LEF1: variants seen among roughly 807,000 people sequenced by gnomAD.
LEF1 encodes the protein lymphoid enhancer-binding factor 1.
LEF1 carries 14 observed loss-of-function variants against 51.2 expected under a neutral mutation model. The observed-to-expected ratio is 0.27, with a 90% CI of 0.18 to 0.43. The LOEUF is 0.43. Among genes scored for constraint, LEF1 ranks in the 20% least tolerant of loss-of-function variants. The pLI, the probability that LEF1 is intolerant of heterozygous loss-of-function variation, is 1.00. For missense variants in LEF1, 386 were observed against 512.0 expected, an observed-to-expected ratio of 0.75 and a Z score of 2.37; for synonymous variants, 185 against 183.2, an observed-to-expected ratio of 1.01 and a Z score of -0.08.
chr4:108,081,017 T>C (rs3796997), intron 6 of LEF1, among the ~76,000 whole-genome samples: 133,894 of 151,824 alleles, frequency 0.88, 59,421 homozygotes, highest in East Asian at 0.97. Flanking sequence ...TCCGCTGGCA[T>C]GACCATGTCC....
intron 3 of LEF1, among the ~76,000 whole-genome samples, chr4:108,126,980 A>G (rs1277169096): frequency 1.3e-5 from 2 of 152,074 alleles, no homozygotes; most frequent in Non-Finnish European, 2.9e-5. Context: ...TGAGATGTAA[A>G]TGAACAACGT....
At chr4:108,134,091 T>A (rs548632839) in intron 3 of LEF1, among the ~76,000 whole-genome samples, 49 of 151,846 alleles carry the variant, frequency 3.2e-4, no homozygotes, top group African/African-American at 1.1e-3. Flanking sequence ...ATATAAATAT[T>A]CACAATTAGT....
At chr4:108,165,278 C>CT in intron 1 of LEF1, 115 bp from the exon 2 acceptor site, 1 of 875,138 alleles carries the variant, frequency 1.1e-6, no homozygotes, top group South Asian at 1.4e-5. Context: ...AGGGGCAACT[C>CT]TGTTTTATAC....
chr4:108,166,485 C>T, intron 1 of LEF1: 3 of 1,376,130 alleles, frequency 2.2e-6, no homozygotes, highest in Non-Finnish European at 2.8e-6. Context: ...GGATTTCCTC[C>T]AGAGGGTTTC....
chr4:108,120,651 T>C (rs1322609178), intron 3 of LEF1, among the ~76,000 whole-genome samples: 2 of 152,312 alleles, frequency 1.3e-5, no homozygotes, highest in African/African-American at 4.8e-5. Flanking sequence ...GAATCTCTCA[T>C]CCACATGTGA....
chr4:108,137,800 C>T (rs1057442876), intron 3 of LEF1, among the ~76,000 whole-genome samples: 1 of 152,146 alleles, frequency 6.6e-6, no homozygotes, highest in Admixed American at 6.5e-5. Flanking sequence ...CACTCATAGA[C>T]TCTGTAATAA....
At chr4:108,131,182 C>T (rs1166651971) in intron 3 of LEF1, among the ~76,000 whole-genome samples, 1 of 151,982 alleles carries the variant, frequency 6.6e-6, no homozygotes, top group African/African-American at 2.4e-5. Context: ...TGCCTGTAAT[C>T]CCAGTGCTCT....
intron 3 of LEF1, among the ~76,000 whole-genome samples, chr4:108,130,378 C>G (rs533442098): frequency 6.6e-6 from 1 of 152,068 alleles, no homozygotes; most frequent in South Asian, 2.1e-4. Flanking sequence ...TCCTATGATG[C>G]TGCACTATCA....
chr4:108,070,829 T>C, intron 8 of LEF1, 59 bp from the exon 9 acceptor site: 1 of 1,112,834 alleles, frequency 9.0e-7, no homozygotes, highest in Non-Finnish European at 1.3e-6. Context: ...ATAGCATATT[T>C]TATGTTTCAA....
rs1193240414 is a variant in LEF1 at position 108,099,566 on chromosome 4, G to GTATATATATA, written c.415-10310_415-10309insTATATATATA. Among the ~76,000 whole-genome samples, 29 of 72,876 alleles carry GTATATATATA rather than the reference G, an allele frequency of 4.0e-4. 2 individuals are homozygous for GTATATATATA. Among genetic ancestry groups the GTATATATATA allele is most frequent in the African/African-American group, 1.2e-3 (21 of 16,996 alleles). 47.8% of individuals were successfully genotyped at this position (72,876 alleles called of 152,430 possible). On this transcript the variant is annotated intron_variant, in intron 3 of 11. Transcript: ENST00000265165. ...TATGTGTGTGTGTGTATGTGTGTGTGTGTGTATATATATATATATATATAT... is the reference window on the plus strand; with the variant it reads ...TATGTGTGTGTGTGTATGTGTGTGTGTATATATATATGTGTATATATATATATATATATAT...
At position 108,123,432 on chromosome 4, in the gene LEF1, G is replaced by GTTTTT. The variant is rs34015287; in HGVS notation, c.415-34180_415-34176dup. 1.1e-4 allele frequency among the ~76,000 whole-genome samples: 8 copies of GTTTTT among 72,380 alleles called. 1 individual carries two copies. Among genetic ancestry groups the GTTTTT allele is most frequent in the African/African-American group, 5.2e-4 (8 of 15,470 alleles). 47.5% of individuals were successfully genotyped at this position (72,380 alleles called of 152,430 possible). On this transcript the variant is annotated intron_variant, in intron 3 of 11. Coordinates refer to ENST00000265165, the MANE Select transcript of LEF1 (RefSeq NM_016269.5). ...GGACCCCAGCTTTCTGCTAGGGTTG[G>GTTTTT]TTTTTTTTTTTTTTTTTTTTTTTTT...
chr4:108,070,941 G>T, intron 8 of LEF1, 171 bp from the exon 9 acceptor site: 1 of 556,170 alleles, frequency 1.8e-6, no homozygotes. Context: ...GAGTCTAGTG[G>T]CTACAGTGAA....
intron 4 of LEF1, among the ~76,000 whole-genome samples, chr4:108,087,641 T>C (rs183727119): frequency 2.6e-5 from 4 of 152,312 alleles, no homozygotes; most frequent in Admixed American, 2.0e-4. Flanking sequence ...AGTTAATGTT[T>C]CGAAGAGTTT....
intron 3 of LEF1, among the ~76,000 whole-genome samples, chr4:108,110,120 G>A (rs1052509609): frequency 6.6e-6 from 1 of 152,200 alleles, no homozygotes; most frequent in South Asian, 2.1e-4. Context: ...AGATGCAGAA[G>A]AATGGCAGGT....
At chr4:108,091,209 T>C (rs1221528827) in intron 3 of LEF1, among the ~76,000 whole-genome samples, 1 of 152,126 alleles carries the variant, frequency 6.6e-6, no homozygotes, top group African/African-American at 2.4e-5. Context: ...AAAATGTAAG[T>C]CCATATCTGA....
intron 3 of LEF1, among the ~76,000 whole-genome samples, chr4:108,158,511 T>C (rs1300076571): frequency 6.6e-6 from 1 of 152,194 alleles, no homozygotes; most frequent in South Asian, 2.1e-4. Context: ...ATAAAACATA[T>C]ATGTTTTTCT....
intron 4 of LEF1, among the ~76,000 whole-genome samples, chr4:108,083,677 C>G (rs530439013): frequency 6.6e-6 from 1 of 152,300 alleles, no homozygotes; most frequent in Admixed American, 6.5e-5. Flanking sequence ...AGTAAAGATG[C>G]TGCTAGTAAT....
chr4:108,066,432 C>T (rs191957832), intron 9 of LEF1, among the ~76,000 whole-genome samples: 158 of 152,296 alleles, frequency 1.0e-3, no homozygotes, highest in Middle Eastern at 3.4e-3. Context: ...TCTTCTTCCT[C>T]GCTCCCTATG....
intron 3 of LEF1, among the ~76,000 whole-genome samples, chr4:108,138,166 T>C (rs1042620234): frequency 3.3e-5 from 5 of 152,164 alleles, no homozygotes; most frequent in Non-Finnish European, 5.9e-5. Flanking sequence ...CTCGGGGAGC[T>C]GGTCAAATGT....
Sources: allele counts gnomAD v4.1 joint callset (sites outside exome capture counted in the v4.1 genomes callset), GRCh38; gene constraint gnomAD v4.1.1; transcripts MANE v1.5; gene names NCBI Gene and HGNC (gene_info 2026-07-23, HGNC 2026-07-21).